MACROD2: variants seen among roughly 807,000 people sequenced by gnomAD.
MACROD2 encodes the protein ADP-ribose glycohydrolase MACROD2.
Under a neutral mutation model 70.4 loss-of-function variants are expected in MACROD2, and 36 were observed. The ratio of observed to expected loss-of-function variants is 0.51; its 90% CI spans 0.39 to 0.68. MACROD2 has a LOEUF of 0.68. Ranked by LOEUF, MACROD2 falls within the 30% of genes least tolerant of loss-of-function variation. MACROD2 has a pLI of 0.00. For missense variants in MACROD2, 496 were observed against 538.4 expected, an observed-to-expected ratio of 0.92 and a Z score of 0.78; for synonymous variants, 172 against 178.8, an observed-to-expected ratio of 0.96 and a Z score of 0.30.
chr20:15,750,642 A>G (rs1016458193), intron 8 of MACROD2, among the ~76,000 whole-genome samples: 2 of 152,052 alleles, frequency 1.3e-5, no homozygotes, highest in Non-Finnish European at 2.9e-5. Flanking sequence ...TGAAATCAGT[A>G]TGTTGAAGAA....
intron 8 of MACROD2, among the ~76,000 whole-genome samples, chr20:15,757,521 C>T (rs1025328769): frequency 6.6e-6 from 1 of 152,048 alleles, no homozygotes; most frequent in African/African-American, 2.4e-5. Flanking sequence ...TTGGAAGAAT[C>T]CAAAACTGAC....
At chr20:14,614,317 A>G (rs1429890529) in intron 4 of MACROD2, among the ~76,000 whole-genome samples, 1 of 152,136 alleles carries the variant, frequency 6.6e-6, no homozygotes, top group Non-Finnish European at 1.5e-5. Flanking sequence ...CTTAGAACAC[A>G]TAGCTCTTCA....
chr20:14,347,017 A>G (rs1169895665), intron 3 of MACROD2, among the ~76,000 whole-genome samples: 2 of 152,162 alleles, frequency 1.3e-5, no homozygotes, highest in Non-Finnish European at 2.9e-5. Flanking sequence ...AGAAATGACA[A>G]AGAAACTTTT....
chr20:16,011,130 G>T (rs2066857483), intron 15 of MACROD2, among the ~76,000 whole-genome samples: 1 of 152,198 alleles, frequency 6.6e-6, no homozygotes, highest in African/African-American at 2.4e-5. Flanking sequence ...GGCTTTGTGA[G>T]CTGGGAATCT....
intron 11 of MACROD2, among the ~76,000 whole-genome samples, chr20:15,936,463 A>G (rs1225613825): frequency 6.7e-6 from 1 of 148,194 alleles, no homozygotes; most frequent in African/African-American, 2.5e-5. Context: ...TATATACTCT[A>G]TAATTTATAT....
intron 8 of MACROD2, among the ~76,000 whole-genome samples, chr20:15,847,120 C>G (rs918804606): frequency 1.3e-5 from 2 of 151,948 alleles, no homozygotes; most frequent in African/African-American, 4.8e-5. Context: ...TGGATCTTTC[C>G]AAATATTTTT....
intron 5 of MACROD2, among the ~76,000 whole-genome samples, chr20:15,002,589 AG>A (rs1053031285): frequency 4.6e-5 from 7 of 152,138 alleles, no homozygotes; most frequent in African/African-American, 1.7e-4. Flanking sequence ...TATTAAACAC[AG>A]GGTGGGGAAA....
At chr20:14,635,263 A>T (rs1450835425) in intron 4 of MACROD2, among the ~76,000 whole-genome samples, 1 of 152,164 alleles carries the variant, frequency 6.6e-6, no homozygotes, top group African/African-American at 2.4e-5. Context: ...GGCTATTTCA[A>T]TTATTGCTTG....
intron 3 of MACROD2, among the ~76,000 whole-genome samples, chr20:14,249,584 A>T (rs998732964): frequency 6.6e-6 from 1 of 152,120 alleles, no homozygotes; most frequent in Non-Finnish European, 1.5e-5. Context: ...CAAAGACATA[A>T]TTCAGAAGTT....
At position 15,002,748 on chromosome 20, in the gene MACROD2, T is replaced by C. The variant is rs1004660525; in HGVS notation, c.419-227192T>C. On this transcript the variant is annotated intron_variant, in intron 5 of 17. Coordinates refer to ENST00000684519, the MANE Select transcript of MACROD2 (RefSeq NM_001351661.2). ...ATTTGCCTCAGTGCCCTGAAGACAATTGGGAGTAGTGTTAAACCGGAAACT... is the reference window on the plus strand; with the variant it reads ...ATTTGCCTCAGTGCCCTGAAGACAACTGGGAGTAGTGTTAAACCGGAAACT... Among the ~76,000 whole-genome samples the C allele has an allele frequency of 3.9e-5, 6 of 152,238 alleles. No homozygotes were observed. In the South Asian group the frequency reaches 6.2e-4, roughly 16 times the overall value.
intron 3 of MACROD2, among the ~76,000 whole-genome samples, chr20:14,226,450 C>T (rs990173017): frequency 2.0e-5 from 3 of 152,132 alleles, no homozygotes; most frequent in African/African-American, 7.2e-5. Flanking sequence ...ACTGTGTGAG[C>T]CCCTTTCTGG....
chr20:14,240,342 A>G (rs750568572), intron 3 of MACROD2, among the ~76,000 whole-genome samples: 1 of 152,220 alleles, frequency 6.6e-6, no homozygotes, highest in African/African-American at 2.4e-5. Context: ...TATTGGGTAT[A>G]TACTGAAAAG....
intron 5 of MACROD2, among the ~76,000 whole-genome samples, chr20:14,803,084 T>C (rs1461327023): frequency 6.6e-6 from 1 of 152,072 alleles, no homozygotes. Context: ...ATCACTCACA[T>C]ACAATTTTAT....
intron 8 of MACROD2, among the ~76,000 whole-genome samples, chr20:15,749,975 C>A (rs868089234): frequency 4.5e-4 from 68 of 152,050 alleles, no homozygotes; most frequent in African/African-American, 1.5e-3. Context: ...CTCAAAAGCA[C>A]AGGCAACAGA....
intron 5 of MACROD2, among the ~76,000 whole-genome samples, chr20:15,185,136 C>T (rs1030655762): frequency 6.6e-6 from 1 of 152,126 alleles, no homozygotes; most frequent in African/African-American, 2.4e-5. Flanking sequence ...CTCTATTTAT[C>T]TTTGTATCCT....
At chr20:15,071,011 A>G (rs6034101) in intron 5 of MACROD2, among the ~76,000 whole-genome samples, 17,153 of 152,048 alleles carry the variant, frequency 0.11, 2,474 homozygotes, top group African/African-American at 0.33. Context: ...AATTTGTAAG[A>G]CTATTATAGC....
intron 7 of MACROD2, among the ~76,000 whole-genome samples, chr20:15,431,775 G>A (rs2046366611): frequency 6.6e-6 from 1 of 151,966 alleles, no homozygotes; most frequent in South Asian, 2.1e-4. Flanking sequence ...TGTACATAGA[G>A]TTTAGCAGTA....
At chr20:15,642,597 AACACACACACACACACACACACACACAC>A (rs56698663) in intron 8 of MACROD2, among the ~76,000 whole-genome samples, 2 of 147,108 alleles carry the variant, frequency 1.4e-5, no homozygotes. Context: ...ACCTGTCATG[AACACACACACACACACACACACACACAC>A]ACACACACAC....
intron 3 of MACROD2, among the ~76,000 whole-genome samples, chr20:14,411,679 A>T (rs2083751197): frequency 6.6e-6 from 1 of 152,120 alleles, no homozygotes. Flanking sequence ...TGCTGCTCAT[A>T]TGAGCCCCAA....
Sources: allele counts gnomAD v4.1 joint callset (sites outside exome capture counted in the v4.1 genomes callset), GRCh38; gene constraint gnomAD v4.1.1; transcripts MANE v1.5; gene names NCBI Gene and HGNC (gene_info 2026-07-23, HGNC 2026-07-21).